BICD1: variants seen among roughly 807,000 people sequenced by gnomAD.
BICD1 encodes BICD cargo adaptor 1.
BICD1 carries 35 observed loss-of-function variants against 92.5 expected under a neutral mutation model. That is an observed-to-expected ratio of 0.38 (90% confidence interval 0.29 to 0.50). BICD1 has a LOEUF of 0.50. Among genes scored for constraint, BICD1 ranks in the 20% least tolerant of loss-of-function variants. BICD1 has a pLI of 0.93. For missense variants in BICD1, 950 were observed against 1,189.8 expected, an observed-to-expected ratio of 0.80 and a Z score of 2.97; for synonymous variants, 429 against 465.1, an observed-to-expected ratio of 0.92 and a Z score of 1.00.
Position 32,305,784 on chromosome 12 carries a change from T to C in BICD1, c.667T>C (p.Leu223=), listed in dbSNP as rs773499848. 1.9e-6 allele frequency: 3 copies of C among 1,614,036 alleles called. No homozygotes were observed. The highest frequency in any genetic ancestry group is 2.2e-5 in the East Asian group (1 of 44,876). The change falls in exon 4 of 10, where the codon TTG becomes CTG. Residue 223 remains leucine, a synonymous_variant. Coordinates refer to ENST00000652176, the MANE Select transcript of BICD1 (RefSeq NM_001714.4). ...LNSQLEDAIR[L]KEIAEHQLEE... is the part of the protein sequence containing the mutation. ...CAGCCAGCTGGAAGATGCCATCCGATTGAAAGAGATTGCTGAGCACCAACT... is the reference window on the plus strand; with the variant it reads ...CAGCCAGCTGGAAGATGCCATCCGACTGAAAGAGATTGCTGAGCACCAACT...
intron 2 of BICD1, among the ~76,000 whole-genome samples, chr12:32,262,228 T>C (rs1057276218): frequency 6.6e-6 from 1 of 152,184 alleles, no homozygotes; most frequent in Admixed American, 6.5e-5. Flanking sequence ...TAATTCTGTC[T>C]CTTTTTTTGG....
At chr12:32,228,987 C>T (rs1482947067) in intron 2 of BICD1, among the ~76,000 whole-genome samples, 1 of 152,094 alleles carries the variant, frequency 6.6e-6, no homozygotes, top group East Asian at 1.9e-4. Flanking sequence ...CCTGGGATCA[C>T]GCCTGTAATC....
Position 32,130,207 on chromosome 12 carries a change from A to C in BICD1, c.213+22663A>C, listed in dbSNP as rs529614062. Among the ~76,000 whole-genome samples, 1,010 of 139,622 alleles carry C rather than the reference A, an allele frequency of 7.2e-3. 5 individuals carry two copies. Among genetic ancestry groups the C allele is most frequent in the South Asian group, 0.013 (56 of 4,208 alleles). 91.6% of individuals were successfully genotyped at this position (139,622 alleles called of 152,430 possible). On this transcript the variant is annotated intron_variant, in intron 1 of 9. Coordinates refer to ENST00000652176, the MANE Select transcript of BICD1 (RefSeq NM_001714.4). ...TAAATATGATAATATACAGTGACAA[A>C]ATTTTTTTTTTTTTTGAGATGGAGT...
intron 1 of BICD1, among the ~76,000 whole-genome samples, chr12:32,182,376 G>C (rs1381525172): frequency 1.5e-5 from 2 of 136,764 alleles, no homozygotes; most frequent in Non-Finnish European, 3.1e-5. Context: ...TCCACCTCCC[G>C]GGTCCAGGCA....
At chr12:32,351,442 G>A (rs1938870452) in intron 8 of BICD1, among the ~76,000 whole-genome samples, 2 of 131,590 alleles carry the variant, frequency 1.5e-5, no homozygotes, top group Admixed American at 1.7e-4. Context: ...AGCCAAGATG[G>A]TACCCACTGC....
At chr12:32,314,269 A>T (rs1245398135) in intron 4 of BICD1, among the ~76,000 whole-genome samples, 2 of 152,180 alleles carry the variant, frequency 1.3e-5, no homozygotes, top group East Asian at 1.9e-4. Context: ...GTATGTTTTA[A>T]TTCCCGGGGG....
At chr12:32,307,679 ATAAG>A (rs760792677) in intron 4 of BICD1, among the ~76,000 whole-genome samples, 36 of 152,256 alleles carry the variant, frequency 2.4e-4, no homozygotes, top group Non-Finnish European at 2.6e-4. Flanking sequence ...ATTAGCAGAA[ATAAG>A]TAAGAGAACA....
At chr12:32,288,686 C>G (rs1010573758) in intron 2 of BICD1, among the ~76,000 whole-genome samples, 1 of 151,972 alleles carries the variant, frequency 6.6e-6, no homozygotes, top group African/African-American at 2.4e-5. Flanking sequence ...GCCAACACAA[C>G]GAAATCCTGT....
At chr12:32,158,323 G>C in intron 1 of BICD1, among the ~76,000 whole-genome samples, 1 of 151,970 alleles carries the variant, frequency 6.6e-6, no homozygotes, top group East Asian at 1.9e-4. Context: ...GGCCAGGCTG[G>C]TCTTGAACTT....
intron 8 of BICD1, among the ~76,000 whole-genome samples, chr12:32,351,487 CAAAAA>C (rs35002678): frequency 1.7e-5 from 1 of 57,226 alleles, no homozygotes; most frequent in Non-Finnish European, 3.0e-5. Flanking sequence ...GACTCTGTCT[CAAAAA>C]AAAAAAAAAA....
intron 2 of BICD1, among the ~76,000 whole-genome samples, chr12:32,260,090 A>G (rs1468766386): frequency 6.6e-6 from 1 of 151,308 alleles, no homozygotes; most frequent in Non-Finnish European, 1.5e-5. Context: ...ACGCCCAGCT[A>G]ATTTTTGTAT....
intron 1 of BICD1, among the ~76,000 whole-genome samples, chr12:32,215,724 C>T (rs1219989052): frequency 2.6e-5 from 4 of 151,638 alleles, no homozygotes; most frequent in South Asian, 2.1e-4. Flanking sequence ...CTGAGACGGG[C>T]GGATCACAAG....
At chr12:32,169,268 A>G (rs1055432509) in intron 1 of BICD1, among the ~76,000 whole-genome samples, 2 of 152,198 alleles carry the variant, frequency 1.3e-5, no homozygotes, top group Admixed American at 6.5e-5. Flanking sequence ...ACTTAGCACA[A>G]TAAATATTTA....
At chr12:32,164,614 G>A (rs985976881) in intron 1 of BICD1, among the ~76,000 whole-genome samples, 3 of 152,088 alleles carry the variant, frequency 2.0e-5, no homozygotes, top group African/African-American at 7.2e-5. Flanking sequence ...AGGCAAGTAG[G>A]GTACTTAGAG....
intron 2 of BICD1, among the ~76,000 whole-genome samples, chr12:32,239,925 ATT>A (rs1565610940): frequency 2.0e-5 from 3 of 152,112 alleles, no homozygotes; most frequent in African/African-American, 7.2e-5. Context: ...GCATTTTTTA[ATT>A]AAGGTATGTA....
chr12:32,140,698 T>G (rs1422650202), intron 1 of BICD1, among the ~76,000 whole-genome samples: 1 of 152,200 alleles, frequency 6.6e-6, no homozygotes, highest in Admixed American at 6.5e-5. Context: ...AGGAACTGTG[T>G]CTGTAGACAA....
chr12:32,112,001 C>CTTTTTTTTTT lies in BICD1; in HGVS notation c.213+4470_213+4479dup, dbSNP rs35592483. On this transcript the variant is annotated intron_variant, in intron 1 of 9. Coordinates refer to ENST00000652176, the MANE Select transcript of BICD1 (RefSeq NM_001714.4). ...CCAGTTGCTCTAACTTGCACTATCCCTTTTTTTTTTTTTTTTTTTTTTGAG... is the reference window on the plus strand; with the variant it reads ...CCAGTTGCTCTAACTTGCACTATCCCTTTTTTTTTTTTTTTTTTTTTTTTTTTTTTTTGAG... 6.2e-5 allele frequency among the ~76,000 whole-genome samples: 6 copies of CTTTTTTTTTT among 97,094 alleles called. 1 individual carries two copies. The highest frequency in any genetic ancestry group is 2.1e-4 in the African/African-American group (5 of 23,668). 63.7% of individuals were successfully genotyped at this position (97,094 alleles called of 152,430 possible). A position where few individuals can be genotyped will look rare whatever the true frequency, so the allele number is the denominator to read the frequency against.
chr12:32,176,146 G>A (rs1312746973), intron 1 of BICD1, among the ~76,000 whole-genome samples: 2 of 152,126 alleles, frequency 1.3e-5, no homozygotes, highest in Non-Finnish European at 2.9e-5. Flanking sequence ...GGACATGTAG[G>A]TTGTTTCTAC....
At chr12:32,231,460 C>G (rs954016417) in intron 2 of BICD1, among the ~76,000 whole-genome samples, 3 of 151,896 alleles carry the variant, frequency 2.0e-5, no homozygotes, top group Non-Finnish European at 4.4e-5. Flanking sequence ...CCTACCCCCT[C>G]CTCCAAAAAA....
Sources: allele counts gnomAD v4.1 joint callset (sites outside exome capture counted in the v4.1 genomes callset), GRCh38; gene constraint gnomAD v4.1.1; transcripts MANE v1.5; gene names NCBI Gene and HGNC (gene_info 2026-07-23, HGNC 2026-07-21).